ZFPM1: variants seen among roughly 807,000 people sequenced by gnomAD.
ZFPM1 encodes zinc finger protein, FOG family member 1.
In ZFPM1, 28 loss-of-function variants were observed where a neutral mutation model predicts 46.3. The ratio of observed to expected loss-of-function variants is 0.60; its 90% CI spans 0.45 to 0.83. The LOEUF is 0.83. ZFPM1 is among the 40% of genes least tolerant of loss of function. The probability of loss-of-function intolerance (pLI) is 0.00; values close to 1 mark genes in which losing one functional copy is unlikely to be tolerated. For missense variants in ZFPM1, 1,878 were observed against 1,432.4 expected, an observed-to-expected ratio of 1.31 and a Z score of -5.02; for synonymous variants, 957 against 675.9, an observed-to-expected ratio of 1.42 and a Z score of -6.45.
At chr16:88,529,005 G>A (rs1399255442) in intron 6 of ZFPM1, among the ~76,000 whole-genome samples, 2 of 152,208 alleles carry the variant, frequency 1.3e-5, no homozygotes, top group Non-Finnish European at 2.9e-5. Context: ...CCCCGGCCGG[G>A]TACAGGAGCC....
chr16:88,460,073 C>G (rs78482279), intron 1 of ZFPM1, among the ~76,000 whole-genome samples: 8 of 151,810 alleles, frequency 5.3e-5, no homozygotes, highest in African/African-American at 1.7e-4. Flanking sequence ...GCTGTGTGGC[C>G]TTGGCATACT....
In ZFPM1 at chr16:88,531,982, G is replaced by C; in HGVS notation, c.713-20G>C. ...GCAGGCTGGCCTTCAGCCTGACCCC[G>C]CCTGCTTCCCACCCCACAGAAGACG... On this transcript the variant is annotated intron_variant, in intron 6 of 9. Coordinates refer to ENST00000319555, the MANE Select transcript of ZFPM1 (RefSeq NM_153813.3). The C allele has an allele frequency of 6.3e-7, 1 of 1,578,236 alleles. No homozygotes were observed.
Position 88,532,834 on chromosome 16 carries a change from T to C in ZFPM1, c.1088T>C (p.Leu363Pro). Reference sequence around the variant, plus strand: ...TTCATCTCCACCACAAGGGACATCCTCTACAGCCACTTGGTCACCAACCAC... The same window carrying C: ...TTCATCTCCACCACAAGGGACATCCCCTACAGCCACTTGGTCACCAACCAC... Reference protein sequence around the residue: ...CGFISTTRDILYSHLVTNHMV... With the variant: ...CGFISTTRDIPYSHLVTNHMV... Residue 363 changes from leucine (L) to proline (P), a missense_variant, in exon 9 of 10, where the codon CTC (leucine) becomes CCC (proline). Coordinates refer to ENST00000319555, the MANE Select transcript of ZFPM1 (RefSeq NM_153813.3). The C allele has an allele frequency of 1.9e-6, 3 of 1,613,392 alleles. No individual in the cohort carries two copies. Among genetic ancestry groups the C allele is most frequent in the Non-Finnish European group, 2.5e-6 (3 of 1,179,966 alleles).
At chr16:88,464,236 G>A (rs1019113651) in intron 1 of ZFPM1, among the ~76,000 whole-genome samples, 1 of 152,164 alleles carries the variant, frequency 6.6e-6, no homozygotes, top group Non-Finnish European at 1.5e-5. Flanking sequence ...CCGAGGGGCC[G>A]AGGCATGTGA....
At chr16:88,500,489 T>C (rs1910191078) in intron 3 of ZFPM1, among the ~76,000 whole-genome samples, 3 of 152,232 alleles carry the variant, frequency 2.0e-5, no homozygotes, top group Admixed American at 2.0e-4. Context: ...TGACTGTCAC[T>C]AGCACAGAAA....
At chr16:88,492,609 C>T (rs564646907) in intron 3 of ZFPM1, among the ~76,000 whole-genome samples, 1 of 152,192 alleles carries the variant, frequency 6.6e-6, no homozygotes, top group Admixed American at 6.5e-5. Context: ...TCCTGGGAAA[C>T]CCCCCAACCC....
chr16:88,501,538 T>G (rs1199878780), intron 3 of ZFPM1, among the ~76,000 whole-genome samples: 122 of 118,588 alleles, frequency 1.0e-3, no homozygotes, highest in African/African-American at 3.4e-3. Flanking sequence ...CATGGGTGCG[T>G]GGGCCATCCC....
At chr16:88,505,499 CT>C (rs1420685606) in intron 3 of ZFPM1, among the ~76,000 whole-genome samples, 1 of 152,222 alleles carries the variant, frequency 6.6e-6, no homozygotes, top group Non-Finnish European at 1.5e-5. Flanking sequence ...CCTCTGCCCC[CT>C]GGTGCCCTCA....
At chr16:88,459,162 G>T (rs1339782870) in intron 1 of ZFPM1, among the ~76,000 whole-genome samples, 1 of 152,166 alleles carries the variant, frequency 6.6e-6, no homozygotes, top group Admixed American at 6.5e-5. Flanking sequence ...TCCTTCAGAG[G>T]CCCTGTCCAC....
At chr16:88,474,943 G>T (rs1047834635) in intron 1 of ZFPM1, among the ~76,000 whole-genome samples, 4 of 152,338 alleles carry the variant, frequency 2.6e-5, no homozygotes, top group African/African-American at 9.6e-5. Flanking sequence ...CAGCCCCTAT[G>T]CCCAGAGCCA....
Position 88,526,806 on chromosome 16 carries a change from C to A in ZFPM1, c.403-8C>A, listed in dbSNP as rs542357892. ...CCCTCCCCACGTGTTCCTACCCTCC[C>A]CCCCCAGAGCCCAGCCCTGACCCTG... On this transcript the variant is annotated splice_polypyrimidine_tract_variant and splice_region_variant and intron_variant, in intron 4 of 9. Coordinates refer to ENST00000319555, the MANE Select transcript of ZFPM1 (RefSeq NM_153813.3). 2.9e-3 allele frequency: 4,444 copies of A among 1,542,716 alleles called. 53 individuals are homozygous for A. The highest frequency in any genetic ancestry group is 9.3e-3 in the Middle Eastern group (51 of 5,458).
rs1228289461 is a variant in ZFPM1 at position 88,471,166 on chromosome 16, C to T, written c.41-14773C>T. Among the ~76,000 whole-genome samples the T allele has an allele frequency of 3.9e-5, 6 of 152,232 alleles. No homozygotes were observed. Among genetic ancestry groups the T allele is most frequent in the East Asian group, 1.9e-4 (1 of 5,186 alleles). ...ATGATAGATAGACCAGACTTTTCCT[C>T]TCCACTTACTCCGCCCTGACCGCGA... is the stretch of plus-strand genomic sequence containing the variant. On this transcript the variant is annotated intron_variant, in intron 1 of 9. Coordinates refer to ENST00000319555, the MANE Select transcript of ZFPM1 (RefSeq NM_153813.3). The surrounding 1 kb of genome is among the most constrained non-coding windows in gnomAD (Gnocchi z 4.1).
In ZFPM1 at chr16:88,534,284, G is replaced by A. The variant is rs1239007095; in HGVS notation, c.2326G>A (p.Gly776Arg). 5.2e-6 allele frequency: 6 copies of A among 1,162,928 alleles called. No homozygotes were observed. The highest frequency in any genetic ancestry group is 4.3e-5 in the East Asian group (1 of 23,416). 72.0% of individuals were successfully genotyped at this position (1,162,928 alleles called of 1,614,324 possible). A position where few individuals can be genotyped will look rare whatever the true frequency, so the allele number is the denominator to read the frequency against. ...GTCGCCGCGGCCCGGAAGCGGAAGCGGAAGCGGCCCCGGCCTCGCCCCTGC... is the reference window on the plus strand; with the variant it reads ...GTCGCCGCGGCCCGGAAGCGGAAGCAGAAGCGGCCCCGGCCTCGCCCCTGC... ...PESPRPGSGSGSGPGLAPARS... is the reference protein window; with the variant it reads ...PESPRPGSGSRSGPGLAPARS... The change falls in exon 10 of 10, where the codon GGA (glycine) becomes AGA (arginine). Residue 776 changes from glycine (G) to arginine (R), a missense_variant. Physicochemically the swap from Gly to Arg is moderately radical, Grantham distance 125. Transcript: ENST00000319555.
At chr16:88,477,023 C>G (rs1447078297) in intron 1 of ZFPM1, among the ~76,000 whole-genome samples, 2 of 152,240 alleles carry the variant, frequency 1.3e-5, no homozygotes, top group East Asian at 3.9e-4. Context: ...GGTCCCTTCT[C>G]CACACCATCG....
At chr16:88,493,804 A>G (rs1280183030) in intron 3 of ZFPM1, among the ~76,000 whole-genome samples, 2 of 152,078 alleles carry the variant, frequency 1.3e-5, no homozygotes, top group East Asian at 3.9e-4. Flanking sequence ...CAGAGCCCTA[A>G]AAAGGATCAG....
intron 1 of ZFPM1, among the ~76,000 whole-genome samples, chr16:88,475,482 AC>A (rs958673627): frequency 7.4e-5 from 11 of 147,994 alleles, no homozygotes; most frequent in Admixed American, 6.1e-4. Flanking sequence ...TCCCAATCCC[AC>A]CCAAGTAACC....
At chr16:88,502,626 G>T (rs561243974) in intron 3 of ZFPM1, among the ~76,000 whole-genome samples, 21 of 152,286 alleles carry the variant, frequency 1.4e-4, no homozygotes, top group African/African-American at 4.3e-4. Context: ...CCCCCTAGCC[G>T]AGGGTCCCCA....
At chr16:88,512,498 G>A (rs1025126441) in intron 3 of ZFPM1, among the ~76,000 whole-genome samples, 1 of 152,164 alleles carries the variant, frequency 6.6e-6, no homozygotes, top group Non-Finnish European at 1.5e-5. Context: ...GGGTCCAGAC[G>A]TGCCCTCAGG....
At chr16:88,454,251 G>T (rs966481441) in intron 1 of ZFPM1, among the ~76,000 whole-genome samples, 2 of 152,158 alleles carry the variant, frequency 1.3e-5, no homozygotes. Flanking sequence ...CCGTCGCAGA[G>T]CCGCAGGACA....
Sources: allele counts gnomAD v4.1 joint callset (sites outside exome capture counted in the v4.1 genomes callset), GRCh38; gene constraint gnomAD v4.1.1; non-coding constraint Gnocchi (gnomAD v3.1); transcripts MANE v1.5; gene names NCBI Gene and HGNC (gene_info 2026-07-23, HGNC 2026-07-21).